The following ABCA6 variants were observed in gnomAD, a reference collection of about 807,000 sequenced individuals.
ABCA6 encodes ATP-binding cassette sub-family A member 6.
In ABCA6, 164 loss-of-function variants were observed where a neutral mutation model predicts 191.2. The observed-to-expected ratio is 0.86, with a 90% CI of 0.76 to 0.98. The LOEUF (loss-of-function observed/expected upper bound fraction) is 0.98, where lower values mean the gene tolerates loss of function less well. ABCA6 is among the 50% of genes least tolerant of loss of function. The probability of loss-of-function intolerance (pLI) is 0.00; values close to 1 mark genes in which losing one functional copy is unlikely to be tolerated. For synonymous variants in ABCA6, 636 were observed against 647.7 expected (o/e 0.98, Z 0.27); for missense variants, 1,958 against 1,894.1 (o/e 1.03, Z -0.63).
In ABCA6 at chr17:69,133,744, GAAGC is replaced by G. The variant is rs779417606; in HGVS notation, c.684_687del (p.Leu228PhefsTer14). The G allele has an allele frequency of 6.8e-6, 11 of 1,611,282 alleles. No homozygotes were observed. Among genetic ancestry groups the G allele is most frequent in the South Asian group, 1.1e-5 (1 of 90,828 alleles). On this transcript the variant is annotated frameshift_variant, in exon 6 of 39. Transcript: ENST00000284425. LOFTEE classifies it high-confidence loss of function. The stretch of plus-strand genomic sequence containing the variant: ...ATAAAATATACAAGTGGGGAGAAAT[GAAGC>G]AAGAAGAATAAAATAAACATCTCAT...
At chr17:69,110,979 T>C in intron 16 of ABCA6, 39 bp from the exon 17 acceptor site, 1 of 1,545,266 alleles carries the variant, frequency 6.5e-7, no homozygotes, top group Admixed American at 2.0e-5. Flanking sequence ...TTGCATTTTC[T>C]CCACCACTAT....
In ABCA6 at chr17:69,105,387, C is replaced by T. The variant is rs2073274130; in HGVS notation, c.2740+75G>A. ...CATTTTCTTCTCTTATGATTCACTT[C>T]CCCCCCCCACCTCCTGTGCTATTCA... is the stretch of plus-strand genomic sequence containing the variant. On this transcript the variant is annotated intron_variant, in intron 20 of 38. Coordinates refer to ENST00000284425, the MANE Select transcript of ABCA6 (RefSeq NM_080284.3). 4 of 1,086,220 alleles carry T rather than the reference C, an allele frequency of 3.7e-6. No individual in the cohort carries two copies. In the East Asian group the frequency reaches 9.4e-5, roughly 25 times the overall value. The allele number at this position is 1,086,220 out of a possible 1,614,324, so 67.3% of individuals were successfully genotyped here.
intron 10 of ABCA6, among the ~76,000 whole-genome samples, chr17:69,121,211 C>T (rs886831758): frequency 9.2e-5 from 14 of 152,038 alleles, no homozygotes; most frequent in Non-Finnish European, 1.8e-4. Flanking sequence ...GTAATGATGC[C>T]ACTAAGAAAT....
intron 11 of ABCA6, among the ~76,000 whole-genome samples, chr17:69,117,220 C>T (rs973288448): frequency 5.9e-5 from 9 of 151,984 alleles, no homozygotes; most frequent in East Asian, 1.9e-4. Flanking sequence ...ACACAATGGT[C>T]GGAGAACTCT....
chr17:69,131,172 G>T (rs1598059543), intron 6 of ABCA6, among the ~76,000 whole-genome samples: 1 of 152,110 alleles, frequency 6.6e-6, no homozygotes, highest in Non-Finnish European at 1.5e-5. Context: ...TCTCTGTCCA[G>T]AGATAAGTTC....
At chr17:69,088,125 T>C (rs372534010) in intron 28 of ABCA6, 42 bp downstream of exon 28, 75 of 1,508,088 alleles carry the variant, frequency 5.0e-5, no homozygotes, top group Non-Finnish European at 5.9e-5. Context: ...TCTAGGAATG[T>C]TAAAATATGA....
chr17:69,121,571 G>A (rs1433464057), intron 10 of ABCA6, among the ~76,000 whole-genome samples: 1 of 151,998 alleles, frequency 6.6e-6, no homozygotes, highest in African/African-American at 2.4e-5. Context: ...GTATACATTG[G>A]CTAGGTTTGG....
Position 69,085,151 on chromosome 17 carries a change from C to A in ABCA6, c.4061G>T (p.Gly1354Val), listed in dbSNP as rs1248644119. The A allele has an allele frequency of 2.7e-5, 44 of 1,611,184 alleles. No homozygotes were observed. Among genetic ancestry groups the A allele is most frequent in the Non-Finnish European group, 3.6e-5 (43 of 1,178,852 alleles). The change falls in exon 32 of 39, where the codon GGC becomes GTC. Residue 1354 changes from glycine to valine, a missense_variant. Physicochemically the swap from Gly to Val is moderately radical, Grantham distance 109. Transcript: ENST00000284425. ...CTCTTGAGGGCAGTACCCCAGGTGGCCCAAAACTGAACTGCAGCCTTTCAG... is the reference window on the plus strand; with the variant it reads ...CTCTTGAGGGCAGTACCCCAGGTGGACCAAAACTGAACTGCAGCCTTTCAG... ...VELKGCSSVL[G>V]HLGYCPQENV...
intron 4 of ABCA6, chr17:69,135,668 T>C (rs151051487): frequency 1.2e-3 from 310 of 252,728 alleles, no homozygotes; most frequent in Non-Finnish European, 2.0e-3. Flanking sequence ...CACCTGCTAT[T>C]CATTCTGGTC....
chr17:69,130,705 C>G (rs2073846708), intron 6 of ABCA6, among the ~76,000 whole-genome samples: 1 of 152,116 alleles, frequency 6.6e-6, no homozygotes. Flanking sequence ...TATTGCCATA[C>G]CGTCCTAATT....
In ABCA6 at chr17:69,094,707, C is replaced by T. The variant is rs532143554; in HGVS notation, c.3408+1533G>A. 2.1e-4 allele frequency: 34 copies of T among 158,256 alleles called. 1 individual carries two copies. The highest frequency in any genetic ancestry group is 3.8e-3 in the Middle Eastern group (2 of 526). The allele number at this position is 158,256 out of a possible 1,614,324, so 9.8% of individuals were successfully genotyped here. A position where few individuals can be genotyped will look rare whatever the true frequency, so the allele number is the denominator to read the frequency against. ...CAAACTGGGATAAGTTGTGAGTATACGGTAAGCCAGGGGCAACTATTTCAT... is the reference window on the plus strand; with the variant it reads ...CAAACTGGGATAAGTTGTGAGTATATGGTAAGCCAGGGGCAACTATTTCAT... On this transcript the variant is annotated intron_variant, in intron 25 of 38. Coordinates refer to ENST00000284425, the MANE Select transcript of ABCA6 (RefSeq NM_080284.3).
At position 69,137,498 on chromosome 17, in the gene ABCA6, T is replaced by A. The variant is rs757251104; in HGVS notation, c.99A>T (p.Glu33Asp). ...GTCCTAGAAGTATTGAGAGGCCCCATTCCTGTAATGCATATAAAAAGAAAA... is the reference window on the plus strand; with the variant it reads ...GTCCTAGAAGTATTGAGAGGCCCCAATCCTGTAATGCATATAAAAAGAAAA... Reference protein sequence around the residue: ...KWRMKRESLLEWGLSILLGLC... With the variant: ...KWRMKRESLLDWGLSILLGLC... The change falls in exon 3 of 39, where the codon GAA becomes GAT. Residue 33 changes from glutamate (E) to aspartate (D), a missense_variant and splice_region_variant. Physicochemically the swap from Glu to Asp is conservative, Grantham distance 45. Transcript: ENST00000284425. 2.5e-6 allele frequency: 4 copies of A among 1,610,988 alleles called. No homozygotes were observed. In the South Asian group the frequency reaches 4.4e-5, roughly 18 times the overall value.
chr17:69,088,115 T>A, intron 28 of ABCA6, 52 bp downstream of exon 28: 1 of 1,445,532 alleles, frequency 6.9e-7, no homozygotes, highest in East Asian at 2.4e-5. Context: ...ACAGACACCA[T>A]CTAGGAATGT....
At chr17:69,134,176 C>A (rs935014428) in intron 5 of ABCA6, among the ~76,000 whole-genome samples, 3 of 152,102 alleles carry the variant, frequency 2.0e-5, no homozygotes, top group Admixed American at 6.5e-5. Flanking sequence ...CATTATATAA[C>A]CACAGGAAAA....
At position 69,101,950 on chromosome 17, in the gene ABCA6, T is replaced by A. The variant is rs1264951873; in HGVS notation, c.2874+885A>T. ...TACAACTTCAAAGGCTTTTCTTTTT[T>A]AAAAATTTACTTTGTAGCATGAAAT... is the stretch of plus-strand genomic sequence containing the variant. On this transcript the variant is annotated intron_variant, in intron 21 of 38. Transcript: ENST00000284425. 2.6e-5 allele frequency among the ~76,000 whole-genome samples: 4 copies of A among 152,334 alleles called. No individual in the cohort carries two copies. The East Asian group carries it at 5.8e-4, about 22-fold the overall frequency.
At chr17:69,136,296 T>A in intron 3 of ABCA6, 46 bp from the exon 4 acceptor site, 1 of 1,380,524 alleles carries the variant, frequency 7.2e-7, no homozygotes, top group Non-Finnish European at 9.6e-7. Flanking sequence ...TGTAAGAGTT[T>A]TGCCACAACA....
intron 8 of ABCA6, among the ~76,000 whole-genome samples, chr17:69,125,596 T>G (rs2073735981): frequency 6.6e-6 from 1 of 152,066 alleles, no homozygotes; most frequent in African/African-American, 2.4e-5. Context: ...ACTTTACATA[T>G]GATAAAACTA....
chr17:69,123,310 G>A lies in ABCA6; in HGVS notation c.1365C>T (p.Ile455=). The A allele has an allele frequency of 6.4e-7, 1 of 1,573,820 alleles. No individual in the cohort carries two copies. Among genetic ancestry groups the A allele is most frequent in the Non-Finnish European group, 8.7e-7 (1 of 1,155,108 alleles). ...AATCATCAGAGGGATGCTCAGCATC[G>A]ATTTCTTTCTCAATAACCTTAGCAT... ...RTNAKVIEKE[I]DAEHPSDDYF... The change falls in exon 10 of 39, where the codon ATC becomes ATT. Residue 455 remains isoleucine, a synonymous_variant. Coordinates refer to ENST00000284425, the MANE Select transcript of ABCA6 (RefSeq NM_080284.3).
rs568116861 is a variant in ABCA6 at position 69,117,921 on chromosome 17, G to A, written c.1472C>T (p.Ser491Phe). ...ACCTTTCAATGCTTCCACTTTTCCA[G>A]ATTTTCCTTTATATTCCTTCTTAAC... ...RNVKKEYKGK[S>F]GKVEALKGLL... Residue 491 changes from serine (S) to phenylalanine (F), a missense_variant, in exon 11 of 39, where the codon TCT (serine) becomes TTT (phenylalanine). Transcript: ENST00000284425. 1.0e-5 allele frequency: 16 copies of A among 1,584,130 alleles called. No homozygotes were observed. The highest frequency in any genetic ancestry group is 1.7e-4 in the Middle Eastern group (1 of 5,978).
Sources: allele counts gnomAD v4.1 joint callset (sites outside exome capture counted in the v4.1 genomes callset), GRCh38; gene constraint gnomAD v4.1.1; transcripts MANE v1.5; gene names NCBI Gene and HGNC (gene_info 2026-07-23, HGNC 2026-07-21).